The following CNOT6 variants were observed in gnomAD, a reference collection of about 807,000 sequenced individuals.
CNOT6 encodes carbon catabolite repression 4 protein.
CNOT6 carries 12 observed loss-of-function variants against 61.2 expected under a neutral mutation model. The observed-to-expected ratio is 0.20, with a 90% CI of 0.13 to 0.32. The LOEUF is 0.32. Ranked by LOEUF, CNOT6 falls within the 10% of genes least tolerant of loss-of-function variation. The probability of loss-of-function intolerance (pLI) is 1.00; values close to 1 mark genes in which losing one functional copy is unlikely to be tolerated. For synonymous variants in CNOT6, 225 were observed against 240.6 expected, an observed-to-expected ratio of 0.94 and a Z score of 0.60; for missense variants, 405 against 663.9, an observed-to-expected ratio of 0.61 and a Z score of 4.28.
rs1431001806 is a variant in CNOT6 at position 180,515,963 on chromosome 5, T to A, written c.-2-13312T>A. Among the ~76,000 whole-genome samples the A allele has an allele frequency of 3.3e-5, 5 of 152,062 alleles. 1 individual carries two copies. Among genetic ancestry groups the A allele is most frequent in the Non-Finnish European group, 7.4e-5 (5 of 68,022 alleles). Reference sequence around the variant, plus strand: ...CACCGCGTTACCCAGGCTGGTGGAGTGCAGTGGCTTGATCTCATCTCACTG... The same window carrying A: ...CACCGCGTTACCCAGGCTGGTGGAGAGCAGTGGCTTGATCTCATCTCACTG... On this transcript the variant is annotated intron_variant, in intron 1 of 11. Coordinates refer to ENST00000261951, the MANE Select transcript of CNOT6 (RefSeq NM_001370472.1).
intron 3 of CNOT6, among the ~76,000 whole-genome samples, chr5:180,552,731 C>T (rs1020342043): frequency 3.9e-5 from 6 of 152,112 alleles, no homozygotes; most frequent in African/African-American, 1.2e-4. Flanking sequence ...TCTTTCCCCG[C>T]GTGTCCCCCC....
intron 11 of CNOT6, among the ~76,000 whole-genome samples, chr5:180,573,001 G>A (rs980119441): frequency 1.3e-5 from 2 of 152,180 alleles, no homozygotes; most frequent in African/African-American, 2.4e-5. Flanking sequence ...TATCTCAGGA[G>A]CCTTTGCACC....
At chr5:180,568,145 G>A (rs1172257722) in intron 9 of CNOT6, 142 bp downstream of exon 9, 7 of 722,782 alleles carry the variant, frequency 9.7e-6, no homozygotes, top group Non-Finnish European at 1.4e-5. Flanking sequence ...TTCCTAAAAT[G>A]TATCTCTTTT....
chr5:180,517,454 G>A (rs760094801), intron 1 of CNOT6, among the ~76,000 whole-genome samples: 2 of 151,620 alleles, frequency 1.3e-5, no homozygotes, highest in African/African-American at 2.4e-5. Flanking sequence ...GAATAATGTC[G>A]AATGGGAATT....
At chr5:180,506,749 C>T (rs1757147028) in intron 1 of CNOT6, among the ~76,000 whole-genome samples, 1 of 152,090 alleles carries the variant, frequency 6.6e-6, no homozygotes, top group Non-Finnish European at 1.5e-5. Flanking sequence ...AATAGTTTTT[C>T]TTATTCCTAG....
chr5:180,521,537 C>G (rs145916095), intron 1 of CNOT6, among the ~76,000 whole-genome samples: 2 of 152,306 alleles, frequency 1.3e-5, no homozygotes, highest in South Asian at 4.1e-4. Flanking sequence ...CGCTGACTTA[C>G]AGACTGAGTA....
chr5:180,506,243 G>A (rs2127697031), intron 1 of CNOT6, among the ~76,000 whole-genome samples: 1 of 152,306 alleles, frequency 6.6e-6, no homozygotes, highest in South Asian at 2.1e-4. Context: ...TACCTCATGG[G>A]TTGCTGTGAG....
chr5:180,560,959 T>TGTCA (rs974997822), intron 4 of CNOT6, among the ~76,000 whole-genome samples: 7 of 25,244 alleles, frequency 2.8e-4, no homozygotes, highest in Admixed American at 1.2e-3. Flanking sequence ...CTTATCTATC[T>TGTCA]ATCAATCAAT....
At chr5:180,516,559 A>G (rs1464177384) in intron 1 of CNOT6, among the ~76,000 whole-genome samples, 1 of 152,220 alleles carries the variant, frequency 6.6e-6, no homozygotes, top group African/African-American at 2.4e-5. Flanking sequence ...CTTGAAGAAA[A>G]TCTGGCCCAC....
intron 7 of CNOT6, among the ~76,000 whole-genome samples, chr5:180,566,486 C>G (rs1242742430): frequency 6.6e-6 from 1 of 152,074 alleles, no homozygotes. Flanking sequence ...TGTTCCACCT[C>G]AGTTCTAAGA....
At chr5:180,539,272 C>T (rs73363234) in intron 2 of CNOT6, among the ~76,000 whole-genome samples, 1 of 148,342 alleles carries the variant, frequency 6.7e-6, no homozygotes, top group African/African-American at 2.5e-5. Context: ...GAGTGAGACC[C>T]TATCTCTTTA....
At chr5:180,537,397 ATATGCTTTTT>A (rs1347844478) in intron 2 of CNOT6, among the ~76,000 whole-genome samples, 4 of 151,836 alleles carry the variant, frequency 2.6e-5, no homozygotes, top group Admixed American at 2.6e-4. Context: ...CCATCTTTTC[ATATGCTTTTT>A]TGCCATGGGT....
At chr5:180,527,704 G>C (rs1327263639) in intron 1 of CNOT6, among the ~76,000 whole-genome samples, 2 of 152,136 alleles carry the variant, frequency 1.3e-5, no homozygotes, top group African/African-American at 4.8e-5. Context: ...GTAATGTCTG[G>C]TTGTCCTAAC....
intron 2 of CNOT6, among the ~76,000 whole-genome samples, chr5:180,541,620 T>G (rs1280852036): frequency 6.6e-6 from 1 of 150,666 alleles, no homozygotes; most frequent in Non-Finnish European, 1.5e-5. Context: ...GCCTGGCTAA[T>G]TTTTTGTATT....
chr5:180,564,729 G>T lies in CNOT6; in HGVS notation c.545G>T (p.Arg182Met). The change falls in exon 6 of 12, where the codon AGG becomes ATG. Residue 182 changes from arginine (R) to methionine (M), a missense_variant. Coordinates refer to ENST00000261951, the MANE Select transcript of CNOT6 (RefSeq NM_001370472.1). ...TGGATTATGTTACAAGAACCAGATA[G>T]GACAAGGCCAACTGGTTGGTAGTCT... ...RSWIMLQEPD[R>M]TRPTALFSVM... 3.1e-6 allele frequency: 5 copies of T among 1,613,622 alleles called. No homozygotes were observed. Among genetic ancestry groups the T allele is most frequent in the Non-Finnish European group, 4.2e-6 (5 of 1,179,528 alleles).
intron 2 of CNOT6, among the ~76,000 whole-genome samples, chr5:180,536,750 A>G (rs2127729004): frequency 6.6e-6 from 1 of 152,308 alleles, no homozygotes; most frequent in African/African-American, 2.4e-5. Context: ...AGCTGGGACT[A>G]CAGTGCATGC....
chr5:180,532,955 A>G (rs2127724509), intron 2 of CNOT6, among the ~76,000 whole-genome samples: 1 of 152,346 alleles, frequency 6.6e-6, no homozygotes, highest in Admixed American at 6.5e-5. Flanking sequence ...ACCACCCTTC[A>G]GGAGGAACCT....
chr5:180,514,642 G>T (rs951651309), intron 1 of CNOT6, among the ~76,000 whole-genome samples: 1 of 152,180 alleles, frequency 6.6e-6, no homozygotes, highest in African/African-American at 2.4e-5. Flanking sequence ...GTGAGTGCAT[G>T]GTTTTGAGGT....
At chr5:180,518,322 A>G (rs2127710829) in intron 1 of CNOT6, among the ~76,000 whole-genome samples, 1 of 152,222 alleles carries the variant, frequency 6.6e-6, no homozygotes, top group East Asian at 1.9e-4. Context: ...TTTCCTGCCC[A>G]TCTTTTGATT....
Sources: allele counts gnomAD v4.1 joint callset (sites outside exome capture counted in the v4.1 genomes callset), GRCh38; gene constraint gnomAD v4.1.1; transcripts MANE v1.5; gene names NCBI Gene and HGNC (gene_info 2026-07-23, HGNC 2026-07-21).